The following SHLD1 variants were observed in gnomAD, a reference collection of about 807,000 sequenced individuals.
The protein encoded by SHLD1 is RINN1-REV7-interacting novel NHEJ regulator 3.
Under a neutral mutation model 5.5 loss-of-function variants are expected in SHLD1, and 3 were observed. The ratio of observed to expected loss-of-function variants is 0.54; its 90% CI spans 0.25 to 1.40. The LOEUF is 1.40. SHLD1 is among the 40% of genes most tolerant of loss of function. The pLI, the probability that SHLD1 is intolerant of heterozygous loss-of-function variation, is 0.15. For missense variants in SHLD1, 210 were observed against 244.4 expected (o/e 0.86, Z 0.94); for synonymous variants, 92 against 94.3 (o/e 0.98, Z 0.14).
intron 2 of SHLD1, among the ~76,000 whole-genome samples, chr20:5,808,209 C>T (rs1213704486): frequency 6.6e-6 from 1 of 151,064 alleles, no homozygotes; most frequent in East Asian, 1.9e-4. Context: ...GAACCTGGGA[C>T]ACAGAGGTTG....
chr20:5,767,218 C>T (rs1984887448), intron 1 of SHLD1, among the ~76,000 whole-genome samples: 1 of 152,032 alleles, frequency 6.6e-6, no homozygotes, highest in Admixed American at 6.6e-5. Flanking sequence ...CACTGTATCC[C>T]CAACTGCCTG....
At chr20:5,788,969 C>T (rs1414034556) in intron 2 of SHLD1, among the ~76,000 whole-genome samples, 2 of 151,822 alleles carry the variant, frequency 1.3e-5, no homozygotes, top group African/African-American at 4.8e-5. Flanking sequence ...CCTGTCTCTA[C>T]TAAAAATACA....
At chr20:5,751,499 G>T (rs1442380395) in intron 1 of SHLD1, among the ~76,000 whole-genome samples, 2 of 152,058 alleles carry the variant, frequency 1.3e-5, no homozygotes, top group African/African-American at 2.4e-5. Context: ...TAGAGACGAG[G>T]TTTCACCATC....
At chr20:5,754,209 C>CA (rs1270951545) in intron 1 of SHLD1, among the ~76,000 whole-genome samples, 3 of 152,140 alleles carry the variant, frequency 2.0e-5, no homozygotes, top group Admixed American at 6.6e-5. Context: ...CTCCTGGGCT[C>CA]AAGCAATCCT....
At chr20:5,774,163 C>T (rs1985320215) in intron 2 of SHLD1, among the ~76,000 whole-genome samples, 1 of 152,238 alleles carries the variant, frequency 6.6e-6, no homozygotes, top group Admixed American at 6.6e-5. Context: ...GAGATCGTGC[C>T]ACTTCACTCC....
At chr20:5,769,281 C>A (rs987051652) in intron 1 of SHLD1, among the ~76,000 whole-genome samples, 1 of 152,150 alleles carries the variant, frequency 6.6e-6, no homozygotes, top group South Asian at 2.1e-4. Context: ...TCTGATTGAA[C>A]CATTCCCTTT....
At chr20:5,762,613 C>G (rs982953798) in intron 1 of SHLD1, among the ~76,000 whole-genome samples, 1 of 152,112 alleles carries the variant, frequency 6.6e-6, no homozygotes, top group Non-Finnish European at 1.5e-5. Flanking sequence ...AGTCCCTTGG[C>G]TATTGTGGGG....
chr20:5,849,589 G>A (rs901609011), intron 2 of SHLD1, among the ~76,000 whole-genome samples: 1 of 152,200 alleles, frequency 6.6e-6, no homozygotes, highest in African/African-American at 2.4e-5. Context: ...GTTGCATAAT[G>A]TGTCATAATA....
At chr20:5,857,257 C>T (rs181051932) in intron 2 of SHLD1, among the ~76,000 whole-genome samples, 67 of 152,160 alleles carry the variant, frequency 4.4e-4, no homozygotes, top group Non-Finnish European at 7.2e-4. Context: ...CCACCACACC[C>T]GGCCAAATTA....
intron 2 of SHLD1, among the ~76,000 whole-genome samples, chr20:5,785,661 TG>T (rs973326192): frequency 1.3e-5 from 2 of 152,002 alleles, no homozygotes; most frequent in African/African-American, 4.8e-5. Flanking sequence ...CTGGGCATGG[TG>T]GTACACGCCT....
chr20:5,821,374 G>C (rs894645287), intron 2 of SHLD1, among the ~76,000 whole-genome samples: 4 of 152,094 alleles, frequency 2.6e-5, no homozygotes, highest in Non-Finnish European at 4.4e-5. Flanking sequence ...TCAGCCGGGC[G>C]TGGTGGTGTG....
intron 1 of SHLD1, among the ~76,000 whole-genome samples, chr20:5,771,083 C>T (rs940250146): frequency 2.6e-5 from 4 of 152,134 alleles, no homozygotes; most frequent in Non-Finnish European, 5.9e-5. Context: ...CTTTTGAGAG[C>T]ACATGGGTTC....
At chr20:5,821,777 G>A (rs2087609108) in intron 2 of SHLD1, among the ~76,000 whole-genome samples, 1 of 152,136 alleles carries the variant, frequency 6.6e-6, no homozygotes, top group Non-Finnish European at 1.5e-5. Flanking sequence ...ATGCTTGGCT[G>A]GAGTTTTCAG....
intron 1 of SHLD1, among the ~76,000 whole-genome samples, chr20:5,761,728 C>T (rs937238686): frequency 4.0e-5 from 6 of 151,450 alleles, no homozygotes; most frequent in African/African-American, 1.5e-4. Flanking sequence ...CTGCCTCAGC[C>T]TCCCAAGTAG....
Position 5,853,743 on chromosome 20 carries a change from C to G in SHLD1, c.179-9281C>G, listed in dbSNP as rs146340161. On this transcript the variant is annotated intron_variant, in intron 2 of 2. Transcript: ENST00000303142. ...CCTGGGTATTCCCTAGACTATGTCC[C>G]CTGCCTCTGTTGCTCAGGGTGATCT... is the stretch of plus-strand genomic sequence containing the variant. Among the ~76,000 whole-genome samples the G allele has an allele frequency of 3.5e-3, 537 of 152,234 alleles. 6 individuals carry two copies. The highest frequency in any genetic ancestry group is 0.012 in the African/African-American group (519 of 41,534).
Position 5,750,429 on chromosome 20 carries a change from G to C in SHLD1, c.-55G>C, listed in dbSNP as rs1459961488. 6.6e-6 allele frequency: 1 copy of C among 150,818 alleles called. No individual in the cohort carries two copies. Among genetic ancestry groups the C allele is most frequent in the Non-Finnish European group, 1.5e-5 (1 of 67,892 alleles). 9.3% of individuals were successfully genotyped at this position (150,818 alleles called of 1,614,324 possible). ...CCGGTTGCGGATGGTGAGTGTGTCG[G>C]GGGGCTTGGCGGCTTTTCTCCTCAG... is the stretch of plus-strand genomic sequence containing the variant. On this transcript the variant is annotated 5_prime_UTR_variant, in exon 1 of 3. Coordinates refer to ENST00000303142, the MANE Select transcript of SHLD1 (RefSeq NM_152504.4).
intron 2 of SHLD1, among the ~76,000 whole-genome samples, chr20:5,801,826 A>G (rs889867896): frequency 1.3e-5 from 2 of 152,128 alleles, no homozygotes; most frequent in Non-Finnish European, 2.9e-5. Context: ...AATTAGGAGG[A>G]GTGCTCTATT....
intron 1 of SHLD1, among the ~76,000 whole-genome samples, chr20:5,770,306 A>T (rs1349100619): frequency 6.6e-6 from 1 of 152,178 alleles, no homozygotes; most frequent in African/African-American, 2.4e-5. Context: ...CCATCTGAGG[A>T]TCATATGCCA....
At chr20:5,820,543 G>T (rs1171560196) in intron 2 of SHLD1, among the ~76,000 whole-genome samples, 2 of 152,176 alleles carry the variant, frequency 1.3e-5, no homozygotes, top group Non-Finnish European at 2.9e-5. Context: ...CAGCCTCCAA[G>T]ATGTTCAGAT....
Sources: allele counts gnomAD v4.1 joint callset (sites outside exome capture counted in the v4.1 genomes callset), GRCh38; gene constraint gnomAD v4.1.1; transcripts MANE v1.5; gene names NCBI Gene and HGNC (gene_info 2026-07-23, HGNC 2026-07-21).